The following FRMD4A variants were observed in gnomAD, a reference collection of about 807,000 sequenced individuals.
The protein encoded by FRMD4A is FERM domain containing 4A.
In FRMD4A, 29 loss-of-function variants were observed where a neutral mutation model predicts 129.1. That is an observed-to-expected ratio of 0.22 (90% CI 0.17 to 0.31). The LOEUF (loss-of-function observed/expected upper bound fraction) is 0.31. Ranked by LOEUF, FRMD4A falls within the 10% of genes least tolerant of loss-of-function variation. The probability of loss-of-function intolerance (pLI) is 1.00; values close to 1 mark genes in which losing one functional copy is unlikely to be tolerated. For synonymous variants in FRMD4A, 634 were observed against 571.6 expected, an observed-to-expected ratio of 1.11 and a Z score of -1.56; for missense variants, 1,272 against 1,375.8, an observed-to-expected ratio of 0.92 and a Z score of 1.19.
chr10:14,098,169 A>G (rs2131769445), intron 2 of FRMD4A, among the ~76,000 whole-genome samples: 1 of 147,612 alleles, frequency 6.8e-6, no homozygotes, highest in East Asian at 2.0e-4. Context: ...TATTATATAT[A>G]ATTTATTTTC....
In FRMD4A at chr10:14,082,647, G is replaced by A. The variant is rs74122460; in HGVS notation, c.46-223735C>T. The stretch of plus-strand genomic sequence containing the variant: ...TGACGAAAAGGCACCTGAAACTCAG[G>A]TGCATTTCAGTTGGTGACTGGTTTT... On this transcript the variant is annotated intron_variant, in intron 2 of 24. Coordinates refer to ENST00000357447, the MANE Select transcript of FRMD4A (RefSeq NM_018027.5). 3.8e-3 allele frequency among the ~76,000 whole-genome samples: 573 copies of A among 152,272 alleles called. 4 individuals carry two copies. The highest frequency in any genetic ancestry group is 0.013 in the African/African-American group (538 of 41,554).
At chr10:14,051,598 T>G (rs1412227119) in intron 2 of FRMD4A, among the ~76,000 whole-genome samples, 1 of 152,154 alleles carries the variant, frequency 6.6e-6, no homozygotes, top group Admixed American at 6.5e-5. Context: ...CCCTGAAACC[T>G]CCATGGTTGA....
chr10:14,137,786 G>T (rs191888378), intron 2 of FRMD4A, among the ~76,000 whole-genome samples: 2 of 152,006 alleles, frequency 1.3e-5, no homozygotes, highest in Admixed American at 6.6e-5. Context: ...CCTTTGCTAC[G>T]CACTAATTTA....
intron 2 of FRMD4A, among the ~76,000 whole-genome samples, chr10:14,106,568 A>G (rs578095516): frequency 1.3e-5 from 2 of 152,292 alleles, no homozygotes; most frequent in South Asian, 2.1e-4. Context: ...GTTTTACACA[A>G]TCTCATCAAT....
chr10:14,319,192 C>T (rs1329631496), intron 2 of FRMD4A, among the ~76,000 whole-genome samples: 1 of 152,198 alleles, frequency 6.6e-6, no homozygotes, highest in Non-Finnish European at 1.5e-5. Flanking sequence ...CCAGCTGAAG[C>T]TCCAGTGTGG....
intron 14 of FRMD4A, among the ~76,000 whole-genome samples, chr10:13,695,591 T>C (rs976200190): frequency 6.6e-6 from 1 of 152,244 alleles, no homozygotes; most frequent in Non-Finnish European, 1.5e-5. Context: ...GGCAACAGGC[T>C]TTGCCAGTAC....
At chr10:14,146,388 A>C (rs998273081) in intron 2 of FRMD4A, among the ~76,000 whole-genome samples, 17 of 152,232 alleles carry the variant, frequency 1.1e-4, no homozygotes, top group African/African-American at 3.9e-4. Flanking sequence ...ATATGATGTG[A>C]TATAGTCTGA....
chr10:14,017,865 G>A (rs966039989), intron 2 of FRMD4A, among the ~76,000 whole-genome samples: 3 of 152,220 alleles, frequency 2.0e-5, no homozygotes, highest in Non-Finnish European at 2.9e-5. Flanking sequence ...GAAGCCTCAT[G>A]TCATGGGAAT....
At position 13,657,153 on chromosome 10, in the gene FRMD4A, GCCCCCCGCA is replaced by G. The variant is rs759046768; in HGVS notation, c.2427_2435del (p.Ala816_Gly818del). 32 of 1,005,314 alleles carry G rather than the reference GCCCCCCGCA, an allele frequency of 3.2e-5. No individual in the cohort carries two copies. The highest frequency in any genetic ancestry group is 1.8e-4 in the African/African-American group (10 of 54,306). The allele number at this position is 1,005,314 out of a possible 1,614,324, so 62.3% of individuals were successfully genotyped here. ...ACACACCGCCCCCCGCGCCCCCCGC[GCCCCCCGCA>G]CCCCCGCGCGCCGCCAGGTTGGGCA... On this transcript the variant is annotated inframe_deletion, in exon 22 of 25. Transcript: ENST00000357447.
chr10:14,002,055 C>T lies in FRMD4A; in HGVS notation c.46-143143G>A, dbSNP rs145363086. Reference sequence around the variant, plus strand: ...TTTGCAAAATAATAGACTGGCAAGACGTCAACCTGGAATAACACATCATAT... The same window carrying T: ...TTTGCAAAATAATAGACTGGCAAGATGTCAACCTGGAATAACACATCATAT... On this transcript the variant is annotated intron_variant, in intron 2 of 24. Coordinates refer to ENST00000357447, the MANE Select transcript of FRMD4A (RefSeq NM_018027.5). 4.6e-5 allele frequency among the ~76,000 whole-genome samples: 7 copies of T among 152,224 alleles called. No individual in the cohort carries two copies. In the East Asian group the frequency reaches 7.7e-4, roughly 17 times the overall value.
chr10:14,232,121 G>A lies in FRMD4A; in HGVS notation c.45+97937C>T, dbSNP rs569952927. On this transcript the variant is annotated intron_variant, in intron 2 of 24. Transcript: ENST00000357447. ...TGATTTTTGTATATGGAGAAAGGAA[G>A]GGGTCCAGTTTCAATCTTCTGCATA... Among the ~76,000 whole-genome samples, 57 of 152,294 alleles carry A rather than the reference G, an allele frequency of 3.7e-4. No individual in the cohort carries two copies. The South Asian group carries it at 6.6e-3, about 18-fold the overall frequency.
At chr10:13,750,064 G>GAAA (rs1564738739) in intron 8 of FRMD4A, among the ~76,000 whole-genome samples, 5 of 90,672 alleles carry the variant, frequency 5.5e-5, no homozygotes, top group East Asian at 7.4e-4. Context: ...AAGGAAGGAA[G>GAAA]GAAGGAAGAA....
intron 2 of FRMD4A, among the ~76,000 whole-genome samples, chr10:14,138,509 T>G (rs554059157): frequency 6.6e-5 from 10 of 151,426 alleles, no homozygotes; most frequent in African/African-American, 2.2e-4. Context: ...ACCTGTAATC[T>G]CAGCACTTTG....
At chr10:14,199,562 G>T (rs1842573031) in intron 2 of FRMD4A, among the ~76,000 whole-genome samples, 1 of 151,994 alleles carries the variant, frequency 6.6e-6, no homozygotes, top group Non-Finnish European at 1.5e-5. Context: ...GCTAATTTTT[G>T]TATTTTTAGT....
At chr10:13,957,303 G>A (rs7093368) in intron 2 of FRMD4A, among the ~76,000 whole-genome samples, 2,216 of 152,204 alleles carry the variant, frequency 0.015, 55 homozygotes, top group African/African-American at 0.048. Context: ...GCCCAGACTG[G>A]AGTGCAGTGG....
intron 17 of FRMD4A, among the ~76,000 whole-genome samples, chr10:13,669,023 T>A (rs2083288243): frequency 6.6e-6 from 1 of 151,582 alleles, no homozygotes; most frequent in East Asian, 1.9e-4. Flanking sequence ...ATGAGCTCCA[T>A]TTTACAGACC....
chr10:14,276,543 A>G (rs1845348346), intron 2 of FRMD4A, among the ~76,000 whole-genome samples: 1 of 152,190 alleles, frequency 6.6e-6, no homozygotes, highest in African/African-American at 2.4e-5. Flanking sequence ...CCGTGTCCCC[A>G]TTTTAAGGTA....
chr10:13,679,474 T>TACACACACACACACACACAC (rs59818032), intron 15 of FRMD4A, among the ~76,000 whole-genome samples: 349 of 31,442 alleles, frequency 0.011, 4 homozygotes, highest in East Asian at 0.028. Context: ...TATATATATA[T>TACACACACACACACACACAC]ACACACACAC....
intron 15 of FRMD4A, chr10:13,693,578 G>A (rs1267034840): frequency 1.9e-6 from 2 of 1,071,296 alleles, no homozygotes; most frequent in Non-Finnish European, 2.4e-6. Context: ...CCTTGGACCT[G>A]ACATTCCCGA....
Sources: allele counts gnomAD v4.1 joint callset (sites outside exome capture counted in the v4.1 genomes callset), GRCh38; gene constraint gnomAD v4.1.1; transcripts MANE v1.5; gene names NCBI Gene and HGNC (gene_info 2026-07-23, HGNC 2026-07-21).